The following CYP2J2 variants were observed in gnomAD, a reference collection of about 807,000 sequenced individuals.
CYP2J2 encodes the protein cytochrome P450 family 2 subfamily J member 2.
A neutral mutation model predicts 48.8 loss-of-function variants in CYP2J2; 41 were observed. That is an observed-to-expected ratio of 0.84 (90% CI 0.66 to 1.09). The LOEUF is 1.09. Among genes scored for constraint, CYP2J2 ranks in the 50% least tolerant of loss-of-function variants. CYP2J2 has a pLI of 0.00. For synonymous variants in CYP2J2, 221 were observed against 227.1 expected (o/e 0.97, Z 0.24); for missense variants, 644 against 617.3 (o/e 1.04, Z -0.46).
the CYP2J2 span, among the ~76,000 whole-genome samples, chr1:59,963,201 A>T: frequency 6.6e-6 from 1 of 152,196 alleles, no homozygotes; most frequent in South Asian, 2.1e-4. Flanking sequence ...AAATATATAC[A>T]TGAAAAATTT....
the CYP2J2 span, among the ~76,000 whole-genome samples, chr1:59,957,510 T>C: frequency 6.6e-6 from 1 of 152,094 alleles, no homozygotes; most frequent in Non-Finnish European, 1.5e-5. Flanking sequence ...TCGCAGACCC[T>C]GAGGGAGAGC....
At chr1:59,969,199 G>T in the CYP2J2 span, among the ~76,000 whole-genome samples, 245 of 152,334 alleles carry the variant, frequency 1.6e-3, no homozygotes, top group African/African-American at 5.7e-3. Flanking sequence ...TATGAAAGGG[G>T]ATCCGAGCGG....
At chr1:59,899,491 A>C (rs937180859) in intron 8 of CYP2J2, among the ~76,000 whole-genome samples, 4 of 152,208 alleles carry the variant, frequency 2.6e-5, no homozygotes, top group Non-Finnish European at 2.9e-5. Flanking sequence ...TCTGAGCCTC[A>C]GTGTCATTCT....
At chr1:59,950,504 G>C in the CYP2J2 span, among the ~76,000 whole-genome samples, 2 of 152,174 alleles carry the variant, frequency 1.3e-5, no homozygotes, top group African/African-American at 2.4e-5. Context: ...TTTACACCTG[G>C]AATACTTGGA....
the CYP2J2 span, among the ~76,000 whole-genome samples, chr1:59,943,931 TGAA>T: frequency 6.6e-6 from 1 of 152,138 alleles, no homozygotes; most frequent in African/African-American, 2.4e-5. Flanking sequence ...AAATGGGAGT[TGAA>T]GTGGAGACAG....
chr1:59,964,370 T>G, the CYP2J2 span, among the ~76,000 whole-genome samples: 1 of 152,206 alleles, frequency 6.6e-6, no homozygotes, highest in African/African-American at 2.4e-5. Flanking sequence ...CATCATCACT[T>G]TCTGCTACTT....
At chr1:59,958,089 G>C in the CYP2J2 span, among the ~76,000 whole-genome samples, 41 of 152,048 alleles carry the variant, frequency 2.7e-4, no homozygotes, top group African/African-American at 9.9e-4. Context: ...TAAAATAACA[G>C]TTCTATGAAG....
chr1:59,932,100 G>C, the CYP2J2 span, among the ~76,000 whole-genome samples: 1 of 152,052 alleles, frequency 6.6e-6, no homozygotes, highest in East Asian at 1.9e-4. Flanking sequence ...TTATATAAAA[G>C]TTGAAGTTAT....
In CYP2J2 at chr1:59,909,868, A is replaced by C. The variant is rs1402047862; in HGVS notation, c.777T>G (p.Ser259=). Residue 259 remains serine (S), a synonymous_variant, in exon 5 of 9, where the codon TCT becomes TCG. Coordinates refer to ENST00000371204, the MANE Select transcript of CYP2J2 (RefSeq NM_000775.4). The part of the protein sequence containing the change: ...SNWKKLKLFV[S]HMIDKHRKDW... Reference sequence around the variant, plus strand: ...CCTTTCTGTGTTTGTCAATCATATGAGAAACAAACAATTTCAGTTTTTTCC... The same window carrying C: ...CCTTTCTGTGTTTGTCAATCATATGCGAAACAAACAATTTCAGTTTTTTCC... 6.2e-7 allele frequency: 1 copy of C among 1,612,646 alleles called. No individual in the cohort carries two copies. Among genetic ancestry groups the C allele is most frequent in the South Asian group, 1.1e-5 (1 of 90,840 alleles).
rs1431548103 is a variant in CYP2J2 at position 59,907,951 on chromosome 1, T to C, written c.862-24A>G. The C allele has an allele frequency of 3.1e-6, 5 of 1,612,496 alleles. No individual in the cohort carries two copies. The African/African-American group carries it at 6.7e-5, about 22-fold the overall frequency. On this transcript the variant is annotated intron_variant, in intron 5 of 8. Coordinates refer to ENST00000371204, the MANE Select transcript of CYP2J2 (RefSeq NM_000775.4). The stretch of plus-strand genomic sequence containing the variant: ...TGCTAGAAAACACAATGTTTGATGT[T>C]ATTTATTGGTTTATTCAGAGGATTC...
chr1:59,944,440 C>T, the CYP2J2 span, among the ~76,000 whole-genome samples: 1 of 152,186 alleles, frequency 6.6e-6, no homozygotes, highest in Non-Finnish European at 1.5e-5. Context: ...ACAGGCTGGT[C>T]TTGAACTGCT....
the CYP2J2 span, among the ~76,000 whole-genome samples, chr1:59,955,675 A>T: frequency 6.6e-6 from 1 of 152,136 alleles, no homozygotes; most frequent in Non-Finnish European, 1.5e-5. Flanking sequence ...ACAATACAAC[A>T]TCATGTATGT....
At chr1:59,957,093 T>C in the CYP2J2 span, among the ~76,000 whole-genome samples, 6 of 152,188 alleles carry the variant, frequency 3.9e-5, no homozygotes, top group Admixed American at 1.3e-4. Flanking sequence ...TCCAGAATTC[T>C]TGGCCCACAG....
the CYP2J2 span, among the ~76,000 whole-genome samples, chr1:59,953,980 T>A: frequency 6.6e-6 from 1 of 152,068 alleles, no homozygotes; most frequent in Admixed American, 6.5e-5. Context: ...CTTCCTATGG[T>A]CACATGGTAG....
At chr1:59,958,783 A>G in the CYP2J2 span, among the ~76,000 whole-genome samples, 4 of 152,166 alleles carry the variant, frequency 2.6e-5, no homozygotes, top group Admixed American at 6.5e-5. Flanking sequence ...TCTTCTATTC[A>G]TGTTAGCCAC....
chr1:59,937,376 T>G, the CYP2J2 span, among the ~76,000 whole-genome samples: 2 of 152,148 alleles, frequency 1.3e-5, no homozygotes. Context: ...AAATGTAGTT[T>G]CTAGCTAGCA....
intron 7 of CYP2J2, among the ~76,000 whole-genome samples, chr1:59,903,206 G>T (rs1045859041): frequency 2.0e-5 from 3 of 152,156 alleles, no homozygotes; most frequent in African/African-American, 7.2e-5. Flanking sequence ...AAGCTCTTCT[G>T]ATTCTACTTC....
At chr1:59,921,588 G>T (rs1644515956) in intron 1 of CYP2J2, among the ~76,000 whole-genome samples, 1 of 151,912 alleles carries the variant, frequency 6.6e-6, no homozygotes, top group African/African-American at 2.4e-5. Context: ...TCTTGCCACG[G>T]CTCTTCTAGG....
intron 8 of CYP2J2, among the ~76,000 whole-genome samples, chr1:59,896,251 G>A (rs1290164374): frequency 2.0e-5 from 3 of 151,612 alleles, no homozygotes; most frequent in Non-Finnish European, 1.5e-5. Flanking sequence ...AGAAATATAT[G>A]TATGTATATA....
Sources: allele counts gnomAD v4.1 joint callset (sites outside exome capture counted in the v4.1 genomes callset), GRCh38; gene constraint gnomAD v4.1.1; transcripts MANE v1.5; gene names NCBI Gene and HGNC (gene_info 2026-07-23, HGNC 2026-07-21).